Variants in LNPEP observed in about 807,000 individuals in gnomAD.
The protein encoded by LNPEP is leucyl and cystinyl aminopeptidase.
In LNPEP, 64 loss-of-function variants were observed where a neutral mutation model predicts 120.6. The observed-to-expected ratio is 0.53, with a 90% CI of 0.43 to 0.65. The LOEUF (loss-of-function observed/expected upper bound fraction) is 0.65. LNPEP is among the 30% of genes least tolerant of loss of function. LNPEP has a pLI of 0.00. For missense variants in LNPEP, 1,057 were observed against 1,200.0 expected, an observed-to-expected ratio of 0.88 and a Z score of 1.76; for synonymous variants, 435 against 425.4, an observed-to-expected ratio of 1.02 and a Z score of -0.28.
At position 97,037,436 on chromosome 5, in the gene LNPEP, C is replaced by T. The variant is rs1382385272; in HGVS notation, c.*8903C>T. The T allele has an allele frequency of 6.6e-6, 1 of 152,126 alleles. No individual in the cohort carries two copies. Among genetic ancestry groups the T allele is most frequent in the Non-Finnish European group, 1.5e-5 (1 of 68,032 alleles). The allele number at this position is 152,126 out of a possible 1,614,324, so 9.4% of individuals were successfully genotyped here. On this transcript the variant is annotated 3_prime_UTR_variant, in exon 18 of 18. Coordinates refer to ENST00000231368, the MANE Select transcript of LNPEP (RefSeq NM_005575.3). ...GATAACTTGTTTTGCATATGACCAGCACTGACTGAAAGGCATGTGTAGCTG... is the reference window on the plus strand; with the variant it reads ...GATAACTTGTTTTGCATATGACCAGTACTGACTGAAAGGCATGTGTAGCTG...
intron 1 of LNPEP, among the ~76,000 whole-genome samples, chr5:96,965,330 A>C (rs1789701628): frequency 6.6e-6 from 1 of 151,974 alleles, no homozygotes; most frequent in African/African-American, 2.4e-5. Flanking sequence ...GTCCTTAAAA[A>C]AAAAAAGTAG....
rs752445811 is a variant in LNPEP, at chr5:96,979,710, G to A, written c.592G>A (p.Val198Ile). 15 of 1,613,936 alleles carry A rather than the reference G, an allele frequency of 9.3e-6. No homozygotes were observed. The highest frequency in any genetic ancestry group is 5.0e-5 in the Admixed American group (3 of 59,982). ...ATTCAGGGGTTCTGTGACAATTTCA[G>A]TTCAGGCTCTTCAGGTCACATGGAA... ...MTFRGSVTIS[V>I]QALQVTWNII... The change falls in exon 2 of 18, where the codon GTT becomes ATT. Residue 198 changes from valine to isoleucine, a missense_variant. By Grantham distance (29) the Val-to-Ile change is conservative. Coordinates refer to ENST00000231368, the MANE Select transcript of LNPEP (RefSeq NM_005575.3).
At chr5:96,998,544 T>C (rs557639663) in intron 8 of LNPEP, among the ~76,000 whole-genome samples, 11 of 152,272 alleles carry the variant, frequency 7.2e-5, no homozygotes, top group African/African-American at 2.6e-4. Flanking sequence ...ATTTTAAGAA[T>C]TGAAGATTCG....
chr5:96,994,630 AT>A (rs1393978652), intron 6 of LNPEP, among the ~76,000 whole-genome samples: 1 of 152,002 alleles, frequency 6.6e-6, no homozygotes, highest in East Asian at 1.9e-4. Context: ...CCTTGTCTCT[AT>A]TTTGCCCTAG....
intron 1 of LNPEP, among the ~76,000 whole-genome samples, chr5:96,952,916 T>G (rs1789357576): frequency 6.6e-6 from 1 of 152,222 alleles, no homozygotes; most frequent in Non-Finnish European, 1.5e-5. Flanking sequence ...TCTCCTACTT[T>G]TCTTGATCTC....
At chr5:96,999,746 A>T in intron 8 of LNPEP, among the ~76,000 whole-genome samples, 1 of 152,040 alleles carries the variant, frequency 6.6e-6, no homozygotes, top group Non-Finnish European at 1.5e-5. Flanking sequence ...TGTAGTTTCC[A>T]TATCATTGTC....
At chr5:96,985,920 A>T (rs2112616012) in intron 3 of LNPEP, among the ~76,000 whole-genome samples, 1 of 152,258 alleles carries the variant, frequency 6.6e-6, no homozygotes, top group East Asian at 1.9e-4. Flanking sequence ...ACAGCACTGT[A>T]CCAGCTTACT....
Position 96,979,580 on chromosome 5 carries a change from T to A in LNPEP, c.462T>A (p.Phe154Leu), listed in dbSNP as rs1680481313. The A allele has an allele frequency of 6.2e-7, 1 of 1,614,022 alleles. No homozygotes were observed. Among genetic ancestry groups the A allele is most frequent in the Non-Finnish European group, 8.5e-7 (1 of 1,179,994 alleles). ...KNQSIGLIQP[F>L]ATNGKLFPWA... ...AGTCAATTGGACTAATTCAGCCATT[T>A]GCAACAAATGGGAAATTGTTTCCAT... The change falls in exon 2 of 18, where the codon TTT becomes TTA. Residue 154 changes from phenylalanine to leucine, a missense_variant. Transcript: ENST00000231368.
chr5:97,008,679 T>TTTG (rs1790850932), intron 11 of LNPEP, among the ~76,000 whole-genome samples: 1 of 145,688 alleles, frequency 6.9e-6, no homozygotes, highest in Non-Finnish European at 1.5e-5. Context: ...TTTTTTTTTT[T>TTTG]TTTGAGACAG....
chr5:97,025,164 G>T (rs534171294), intron 15 of LNPEP, among the ~76,000 whole-genome samples: 8 of 152,212 alleles, frequency 5.3e-5, no homozygotes, highest in Non-Finnish European at 1.0e-4. Context: ...ATGGATGAAG[G>T]TAGGGCAGTA....
At chr5:97,017,946 C>T (rs1268671139) in intron 13 of LNPEP, among the ~76,000 whole-genome samples, 2 of 152,080 alleles carry the variant, frequency 1.3e-5, no homozygotes. Context: ...AGGTGACTAA[C>T]CGTGGCCTTT....
chr5:97,014,807 C>G (rs1791023210), intron 12 of LNPEP, 132 bp from the exon 13 acceptor site: 1 of 467,598 alleles, frequency 2.1e-6, no homozygotes, highest in African/African-American at 2.0e-5. Context: ...CTTAACTTTA[C>G]AAAATGCCAC....
intron 4 of LNPEP, among the ~76,000 whole-genome samples, chr5:96,989,365 TAA>T (rs1561443198): frequency 0.096 from 2,605 of 27,012 alleles, 63 homozygotes; most frequent in South Asian, 0.14. Context: ...ATATTATATA[TAA>T]TTATATATTA....
At chr5:97,019,416 A>G (rs1450212499) in intron 13 of LNPEP, among the ~76,000 whole-genome samples, 1 of 152,218 alleles carries the variant, frequency 6.6e-6, no homozygotes, top group Non-Finnish European at 1.5e-5. Flanking sequence ...TGGATTACTT[A>G]TAAAAATGAT....
chr5:96,986,515 C>T (rs770592466), intron 3 of LNPEP, 24 bp from the exon 4 acceptor site: 2 of 1,603,682 alleles, frequency 1.2e-6, no homozygotes, highest in Non-Finnish European at 1.7e-6. Context: ...AGTTACAGAA[C>T]TGTCTTTTCC....
intron 11 of LNPEP, chr5:97,011,211 G>A (rs1250080148): frequency 1.0e-6 from 1 of 984,736 alleles, no homozygotes; most frequent in Admixed American, 6.2e-5. Context: ...TTCTTTCTGG[G>A]GTTGTTTCTT....
At position 96,964,989 on chromosome 5, in the gene LNPEP, G is replaced by T. The variant is rs557011847; in HGVS notation, c.20-14149G>T. ...TTATACATATTTTTAGAATTGATGT[G>T]ACATTTTGATACATGCATACAGTGT... On this transcript the variant is annotated intron_variant, in intron 1 of 17. Coordinates refer to ENST00000231368, the MANE Select transcript of LNPEP (RefSeq NM_005575.3). Among the ~76,000 whole-genome samples, 9 of 152,220 alleles carry T rather than the reference G, an allele frequency of 5.9e-5. No homozygotes were observed. In the East Asian group the frequency reaches 1.7e-3, roughly 29 times the overall value.
chr5:97,000,340 A>G (rs1319189701), intron 8 of LNPEP, among the ~76,000 whole-genome samples: 1 of 152,196 alleles, frequency 6.6e-6, no homozygotes, highest in Non-Finnish European at 1.5e-5. Flanking sequence ...TTGTGTGCAG[A>G]AAAGAATTAA....
At chr5:96,992,282 T>C (rs981124184) in intron 4 of LNPEP, among the ~76,000 whole-genome samples, 2 of 152,174 alleles carry the variant, frequency 1.3e-5, no homozygotes, top group Non-Finnish European at 1.5e-5. Flanking sequence ...GTTCCCTTGG[T>C]TGGTTTTAGT....
Sources: allele counts gnomAD v4.1 joint callset (sites outside exome capture counted in the v4.1 genomes callset), GRCh38; gene constraint gnomAD v4.1.1; transcripts MANE v1.5; gene names NCBI Gene and HGNC (gene_info 2026-07-23, HGNC 2026-07-21).